The following NT5C3A variants were observed in gnomAD, a reference collection of about 807,000 sequenced individuals.
NT5C3A encodes 5'-nucleotidase, cytosolic IIIA.
Under a neutral mutation model 40.0 loss-of-function variants are expected in NT5C3A, and 23 were observed. That is an observed-to-expected ratio of 0.58 (90% confidence interval 0.41 to 0.81). NT5C3A has a LOEUF of 0.81. NT5C3A is among the 40% of genes least tolerant of loss of function. The probability of loss-of-function intolerance (pLI) is 0.00; values close to 1 mark genes in which losing one functional copy is unlikely to be tolerated. For missense variants in NT5C3A, 328 were observed against 403.0 expected, an observed-to-expected ratio of 0.81 and a Z score of 1.59; for synonymous variants, 130 against 141.4, an observed-to-expected ratio of 0.92 and a Z score of 0.57.
intron 1 of NT5C3A, among the ~76,000 whole-genome samples, chr7:33,055,573 T>C (rs886556793): frequency 6.6e-6 from 1 of 152,192 alleles, no homozygotes; most frequent in African/African-American, 2.4e-5. Flanking sequence ...TTTTCTTCCC[T>C]GATTCCACCT....
At chr7:33,060,757 C>G (rs1787745288) in intron 1 of NT5C3A, among the ~76,000 whole-genome samples, 2 of 152,056 alleles carry the variant, frequency 1.3e-5, no homozygotes, top group African/African-American at 4.8e-5. Flanking sequence ...CAGAGCAGAC[C>G]TACATTATTA....
chr7:33,037,798 T>A (rs1249722252), intron 1 of NT5C3A, among the ~76,000 whole-genome samples: 2 of 152,186 alleles, frequency 1.3e-5, no homozygotes, highest in Non-Finnish European at 2.9e-5. Context: ...TATAAAGATG[T>A]GTATGTGTAT....
intron 1 of NT5C3A, 89 bp from the exon 2 acceptor site, chr7:33,027,004 G>T: frequency 2.5e-6 from 2 of 811,572 alleles, no homozygotes; most frequent in African/African-American, 1.7e-5. Context: ...CTTATTTAAA[G>T]ACATAAAAAT....
At chr7:33,026,198 A>G (rs1378871121) in intron 2 of NT5C3A, among the ~76,000 whole-genome samples, 1 of 151,838 alleles carries the variant, frequency 6.6e-6, no homozygotes, top group Non-Finnish European at 1.5e-5. Flanking sequence ...AAACAAAAAA[A>G]TTAGCTGGTT....
At chr7:33,060,132 C>T (rs993321908) in intron 1 of NT5C3A, among the ~76,000 whole-genome samples, 3 of 152,086 alleles carry the variant, frequency 2.0e-5, no homozygotes, top group Non-Finnish European at 2.9e-5. Flanking sequence ...TCTTTATTTT[C>T]TGTAGAGAAA....
At chr7:33,055,317 C>CG (rs1347032690) in intron 1 of NT5C3A, among the ~76,000 whole-genome samples, 1 of 145,876 alleles carries the variant, frequency 6.9e-6, no homozygotes, top group Admixed American at 6.9e-5. Context: ...GACTTGGTGT[C>CG]GGAAAAAAAA....
At chr7:33,032,980 G>A (rs990910997) in intron 1 of NT5C3A, among the ~76,000 whole-genome samples, 2 of 152,184 alleles carry the variant, frequency 1.3e-5, no homozygotes, top group African/African-American at 4.8e-5. Flanking sequence ...TCAAACTCCT[G>A]AGCTCAAGCG....
At chr7:33,023,107 T>G (rs1183864754) in intron 3 of NT5C3A, among the ~76,000 whole-genome samples, 1 of 151,898 alleles carries the variant, frequency 6.6e-6, no homozygotes, top group Non-Finnish European at 1.5e-5. Flanking sequence ...AGAAAAGGTC[T>G]TATTATGTTG....
intron 6 of NT5C3A, among the ~76,000 whole-genome samples, chr7:33,018,723 G>A (rs1444119309): frequency 6.6e-6 from 1 of 151,862 alleles, no homozygotes; most frequent in Non-Finnish European, 1.5e-5. Context: ...GGTGGCGGGC[G>A]CCTGAAGTCC....
chr7:33,014,948 A>C, intron 8 of NT5C3A, 117 bp from the exon 9 acceptor site: 1 of 888,624 alleles, frequency 1.1e-6, no homozygotes, highest in East Asian at 2.6e-5. Flanking sequence ...ATTCACTTTC[A>C]AAAAATCTTT....
chr7:33,031,862 C>T (rs996595527), intron 1 of NT5C3A, among the ~76,000 whole-genome samples: 20 of 151,738 alleles, frequency 1.3e-4, no homozygotes, highest in Non-Finnish European at 2.7e-4. Flanking sequence ...CGGTGGCTGA[C>T]GCCTGGAATC....
rs978323738 is a variant in NT5C3A at position 33,015,837 on chromosome 7, G to C, written c.727C>G (p.His243Asp). The change falls in exon 8 of 9, where the codon CAT becomes GAT. Residue 243 changes from histidine to aspartate, a missense_variant. By Grantham distance (81) the His-to-Asp change is moderately conservative. Coordinates refer to ENST00000610140, the MANE Select transcript of NT5C3A (RefSeq NM_001002010.5). The stretch of plus-strand genomic sequence containing the variant: ...GCACCATCATGTTTGTTAAATACAT[G>C]AATTAGTTCTCCTTTAAATCCTTTG... ...VLKGFKGELIHVFNKHDGALR... is the reference protein window; with the variant it reads ...VLKGFKGELIDVFNKHDGALR... 4 of 1,610,006 alleles carry C rather than the reference G, an allele frequency of 2.5e-6. No homozygotes were observed. Among genetic ancestry groups the C allele is most frequent in the Non-Finnish European group, 3.4e-6 (4 of 1,176,444 alleles).
chr7:33,032,093 C>A (rs1408329192), intron 1 of NT5C3A, among the ~76,000 whole-genome samples: 1 of 151,832 alleles, frequency 6.6e-6, no homozygotes, highest in African/African-American at 2.4e-5. Flanking sequence ...CCACTACACT[C>A]TAGCCCAAGT....
At chr7:33,014,853 GAAAATT>G (rs542678353) in intron 8 of NT5C3A, 22 bp from the exon 9 acceptor site, 1 of 1,593,970 alleles carries the variant, frequency 6.3e-7, no homozygotes, top group Non-Finnish European at 8.6e-7. Flanking sequence ...ATGAACAAAA[GAAAATT>G]AACATGCAGG....
At chr7:33,038,694 A>C in intron 1 of NT5C3A, 1 of 349,604 alleles carries the variant, frequency 2.9e-6, no homozygotes, top group Admixed American at 4.0e-5. Context: ...AAAAGTGTAA[A>C]GACTCAGGTG....
At chr7:33,047,876 C>G (rs2128014371) in intron 1 of NT5C3A, among the ~76,000 whole-genome samples, 1 of 152,166 alleles carries the variant, frequency 6.6e-6, no homozygotes, top group South Asian at 2.1e-4. Flanking sequence ...GACTGGAGTG[C>G]AGTGGTATGA....
At chr7:33,051,208 G>A (rs1276321656) in intron 1 of NT5C3A, among the ~76,000 whole-genome samples, 1 of 151,592 alleles carries the variant, frequency 6.6e-6, no homozygotes, top group African/African-American at 2.4e-5. Flanking sequence ...CTGTTGCCCA[G>A]GCTGGAGTGC....
At chr7:33,060,010 G>A (rs1292517159) in intron 1 of NT5C3A, among the ~76,000 whole-genome samples, 2 of 152,196 alleles carry the variant, frequency 1.3e-5, no homozygotes, top group Non-Finnish European at 2.9e-5. Flanking sequence ...TGAGTGCAAT[G>A]GTGTGATCAC....
chr7:33,052,058 TTTTTG>T (rs140910294), intron 1 of NT5C3A, among the ~76,000 whole-genome samples: 5,256 of 152,172 alleles, frequency 0.035, 132 homozygotes, highest in South Asian at 0.12. Context: ...GCTTCTAAAG[TTTTTG>T]TTTTGTTTTG....
Sources: allele counts gnomAD v4.1 joint callset (sites outside exome capture counted in the v4.1 genomes callset), GRCh38; gene constraint gnomAD v4.1.1; transcripts MANE v1.5; gene names NCBI Gene and HGNC (gene_info 2026-07-23, HGNC 2026-07-21).